ANKRD33B: variants seen among roughly 807,000 people sequenced by gnomAD.
ANKRD33B encodes the protein ankyrin repeat domain-containing protein 33B.
ANKRD33B carries 6 observed loss-of-function variants against 21.5 expected under a neutral mutation model. The ratio of observed to expected loss-of-function variants is 0.28; its 90% confidence interval spans 0.15 to 0.55. ANKRD33B has a LOEUF of 0.55. ANKRD33B is among the 20% of genes least tolerant of loss of function. ANKRD33B has a pLI of 0.94. For missense variants in ANKRD33B, 698 were observed against 747.2 expected (o/e 0.93, Z 0.77); for synonymous variants, 347 against 342.4 (o/e 1.01, Z -0.15).
rs1417986896 is a variant in ANKRD33B at position 10,657,166 on chromosome 5, G to A, written c.*7053G>A. Reference sequence around the variant, plus strand: ...TGAAAACCGCAAAAGGCGATGACAGGCCCAGAAATATGACCAGCAAGCCCG... The same window carrying A: ...TGAAAACCGCAAAAGGCGATGACAGACCCAGAAATATGACCAGCAAGCCCG... On this transcript the variant is annotated 3_prime_UTR_variant, in exon 4 of 4. Coordinates refer to ENST00000296657, the MANE Select transcript of ANKRD33B (RefSeq NM_001164440.2). The A allele has an allele frequency of 6.6e-6, 1 of 152,356 alleles. No homozygotes were observed. 9.4% of individuals were successfully genotyped at this position (152,356 alleles called of 1,614,324 possible). A position where few individuals can be genotyped will look rare whatever the true frequency, so the allele number is the denominator to read the frequency against.
chr5:10,574,820 C>T (rs544310998), intron 1 of ANKRD33B, among the ~76,000 whole-genome samples: 3 of 150,580 alleles, frequency 2.0e-5, no homozygotes, highest in Admixed American at 6.7e-5. Flanking sequence ...TGGCTCACAC[C>T]TGTAATCCCA....
chr5:10,565,139 G>T (rs2962329), intron 1 of ANKRD33B, among the ~76,000 whole-genome samples: 91,144 of 152,100 alleles, frequency 0.6, 27,932 homozygotes, highest in East Asian at 0.81. Context: ...GACTGAATTC[G>T]CGCTGGCTGC....
chr5:10,601,119 T>G (rs1735919502), intron 1 of ANKRD33B, among the ~76,000 whole-genome samples: 1 of 152,058 alleles, frequency 6.6e-6, no homozygotes. Context: ...CAACTCAGTT[T>G]AAAAAGAATA....
chr5:10,641,225 C>CTTTTTTT (rs772445527), intron 3 of ANKRD33B, among the ~76,000 whole-genome samples: 41 of 77,450 alleles, frequency 5.3e-4, no homozygotes, highest in African/African-American at 1.4e-3. Flanking sequence ...TCTTCTTCTT[C>CTTTTTTT]TTTTTTTTTT....
In ANKRD33B at chr5:10,649,464, G is replaced by A; in HGVS notation, c.836G>A (p.Cys279Tyr). The change falls in exon 4 of 4, where the codon TGC (cysteine) becomes TAC (tyrosine). Residue 279 changes from cysteine (C) to tyrosine (Y), a missense_variant. Coordinates refer to ENST00000296657, the MANE Select transcript of ANKRD33B (RefSeq NM_001164440.2). Reference sequence around the variant, plus strand: ...CGGAAGCCCGCGGGCTCCAAGAACTGCCTGCAGAGGCTCACAGACTGCGTG... The same window carrying A: ...CGGAAGCCCGCGGGCTCCAAGAACTACCTGCAGAGGCTCACAGACTGCGTG... ...AARKPAGSKNCLQRLTDCVLS... is the reference protein window; with the variant it reads ...AARKPAGSKNYLQRLTDCVLS... 6.5e-7 allele frequency: 1 copy of A among 1,535,366 alleles called. No individual in the cohort carries two copies. Among genetic ancestry groups the A allele is most frequent in the Non-Finnish European group, 8.7e-7 (1 of 1,146,446 alleles).
chr5:10,627,291 T>TGG (rs1311504684), intron 2 of ANKRD33B: 2 of 152,210 alleles, frequency 1.3e-5, no homozygotes, highest in Non-Finnish European at 2.9e-5. Flanking sequence ...TCTGTTTCCT[T>TGG]GTTGTGCTTT....
chr5:10,602,327 C>T (rs965507649), intron 1 of ANKRD33B, among the ~76,000 whole-genome samples: 1 of 152,240 alleles, frequency 6.6e-6, no homozygotes, highest in Non-Finnish European at 1.5e-5. Context: ...TCCCAGGGGA[C>T]GCTGATGCCG....
chr5:10,606,531 C>T (rs546102049), intron 1 of ANKRD33B, among the ~76,000 whole-genome samples: 4 of 152,000 alleles, frequency 2.6e-5, no homozygotes, highest in African/African-American at 4.8e-5. Flanking sequence ...GTCAAGAGAT[C>T]GAGACCATCC....
intron 2 of ANKRD33B, among the ~76,000 whole-genome samples, chr5:10,621,436 C>T (rs1479802281): frequency 6.6e-6 from 1 of 152,226 alleles, no homozygotes; most frequent in Non-Finnish European, 1.5e-5. Flanking sequence ...CCTCTTCACC[C>T]TTTCCATATG....
intron 1 of ANKRD33B, among the ~76,000 whole-genome samples, chr5:10,567,477 C>G (rs1444558484): frequency 6.6e-6 from 1 of 151,640 alleles, no homozygotes; most frequent in African/African-American, 2.4e-5. Context: ...TAGCTGAGAC[C>G]TAGGAAACTG....
chr5:10,600,727 T>A (rs573120918), intron 1 of ANKRD33B, among the ~76,000 whole-genome samples: 1 of 152,338 alleles, frequency 6.6e-6, no homozygotes, highest in East Asian at 1.9e-4. Context: ...TAAACTTTAA[T>A]AGAAACTGCC....
intron 1 of ANKRD33B, among the ~76,000 whole-genome samples, chr5:10,597,413 T>C (rs1188755297): frequency 6.6e-6 from 1 of 152,026 alleles, no homozygotes; most frequent in African/African-American, 2.4e-5. Flanking sequence ...CAAAACAGGC[T>C]TTAAACCAAC....
intron 1 of ANKRD33B, among the ~76,000 whole-genome samples, chr5:10,604,182 G>A (rs945564358): frequency 6.3e-5 from 9 of 141,808 alleles, no homozygotes; most frequent in East Asian, 2.1e-4. Context: ...GTGAGCCACC[G>A]CGCCTGGCTT....
At chr5:10,569,665 T>C (rs1308977770) in intron 1 of ANKRD33B, among the ~76,000 whole-genome samples, 1 of 151,890 alleles carries the variant, frequency 6.6e-6, no homozygotes, top group Non-Finnish European at 1.5e-5. Flanking sequence ...ATCTCCAAAT[T>C]CTGAACTGTG....
rs1735327538 is a variant in ANKRD33B, at chr5:10,576,652, T to A, written c.366+11819T>A. 6.6e-6 allele frequency among the ~76,000 whole-genome samples: 1 copy of A among 152,200 alleles called. No individual in the cohort carries two copies. Among genetic ancestry groups the A allele is most frequent in the African/African-American group, 2.4e-5 (1 of 41,452 alleles). On this transcript the variant is annotated intron_variant, in intron 1 of 3. Transcript: ENST00000296657. This position sits in a 1 kb window ranked among gnomAD's most constrained non-coding sequence, Gnocchi z 4.1. ...AATGTGCTTGTGCTGTAATAGACAC[T>A]CAGTAAACAGAGCTGTTGTTTCTAT...
intron 1 of ANKRD33B, among the ~76,000 whole-genome samples, chr5:10,608,796 C>T (rs1736105968): frequency 1.3e-5 from 2 of 152,072 alleles, no homozygotes; most frequent in Non-Finnish European, 2.9e-5. Context: ...ATGACTGCAT[C>T]GAAACGTAAA....
chr5:10,636,814 C>G (rs1258090222), intron 2 of ANKRD33B, among the ~76,000 whole-genome samples: 2 of 152,182 alleles, frequency 1.3e-5, no homozygotes, highest in Admixed American at 1.3e-4. Context: ...TGGTTGGTCA[C>G]GAAGGAGTGA....
At chr5:10,590,624 G>A (rs1162738866) in intron 1 of ANKRD33B, among the ~76,000 whole-genome samples, 10 of 152,000 alleles carry the variant, frequency 6.6e-5, no homozygotes, top group African/African-American at 1.9e-4. Context: ...GTGTGTGTGT[G>A]TGTTTTCAGC....
intron 3 of ANKRD33B, 144 bp from the exon 4 acceptor site, chr5:10,649,122 A>C: frequency 2.1e-6 from 3 of 1,397,850 alleles, no homozygotes; most frequent in Non-Finnish European, 2.8e-6. Context: ...CAGGGTTCGC[A>C]GAGTGAACTA....
Sources: gnomAD v4.1 joint callset for allele counts (sites outside exome capture counted in the v4.1 genomes callset) on GRCh38, gnomAD v4.1.1 for gene constraint, Gnocchi (gnomAD v3.1) non-coding constraint, MANE v1.5 for transcripts, NCBI Gene and HGNC (gene_info 2026-07-23, HGNC 2026-07-21) for gene names.